The following ARB2A variants were observed in gnomAD, a reference collection of about 807,000 sequenced individuals.
The protein encoded by ARB2A is cotranscriptional regulator ARB2A.
the ARB2A span, among the ~76,000 whole-genome samples, chr5:93,871,896 T>G: frequency 1.3e-5 from 2 of 151,850 alleles, no homozygotes; most frequent in East Asian, 3.9e-4. Flanking sequence ...CCATAATTCT[T>G]CCCATGTTTC....
At chr5:94,004,998 C>CAAAAAAAAAAAAAAAAAAAAAAAAAA in the ARB2A span, among the ~76,000 whole-genome samples, 3 of 12,552 alleles carry the variant, frequency 2.4e-4, no homozygotes, top group African/African-American at 2.3e-4. Context: ...ATTTTATCAG[C>CAAAAAAAAAAAAAAAAAAAAAAAAAA]AAAAAAAAAA....
the ARB2A span, chr5:93,743,641 T>G: frequency 3.0e-6 from 2 of 669,290 alleles, no homozygotes; most frequent in Non-Finnish European, 3.7e-6. Flanking sequence ...TATGCTAAGG[T>G]CCACATACTG....
chr5:93,620,740 T>G, the ARB2A span: 1 of 397,168 alleles, frequency 2.5e-6, no homozygotes, highest in Non-Finnish European at 4.3e-6. Context: ...AGCCTTAATG[T>G]GAGCGCTGAC....
chr5:93,886,784 G>A, the ARB2A span, among the ~76,000 whole-genome samples: 4 of 150,216 alleles, frequency 2.7e-5, no homozygotes, highest in Non-Finnish European at 5.9e-5. Flanking sequence ...ACTCCGTTTT[G>A]TGTTTCTTCT....
At chr5:94,035,713 G>A in the ARB2A span, among the ~76,000 whole-genome samples, 3 of 152,214 alleles carry the variant, frequency 2.0e-5, no homozygotes, top group Admixed American at 6.5e-5. Context: ...GCAGGGACAC[G>A]GGTAAAGCTG....
At chr5:93,733,281 AC>A in the ARB2A span, 4 of 149,828 alleles carry the variant, frequency 2.7e-5, no homozygotes, top group African/African-American at 4.9e-5. Flanking sequence ...GCTCACTGCA[AC>A]CTCCGCCTCC....
At chr5:93,636,135 A>G in the ARB2A span, among the ~76,000 whole-genome samples, 1 of 152,244 alleles carries the variant, frequency 6.6e-6, no homozygotes, top group Non-Finnish European at 1.5e-5. Flanking sequence ...TATGCACAGC[A>G]TAATTCTGTA....
the ARB2A span, among the ~76,000 whole-genome samples, chr5:93,801,164 G>A: frequency 6.6e-6 from 1 of 152,100 alleles, no homozygotes; most frequent in Non-Finnish European, 1.5e-5. Context: ...AGCACAGCTG[G>A]CAAGGGATCT....
the ARB2A span, among the ~76,000 whole-genome samples, chr5:94,001,543 G>C: frequency 1.3e-5 from 2 of 151,826 alleles, no homozygotes; most frequent in African/African-American, 4.8e-5. Flanking sequence ...AGTTTTGGGG[G>C]TTTCAATTGA....
chr5:93,764,524 C>A, the ARB2A span, among the ~76,000 whole-genome samples: 6 of 152,088 alleles, frequency 3.9e-5, no homozygotes, highest in Admixed American at 2.0e-4. Context: ...CTGAATAGAC[C>A]AATAATAGGT....
the ARB2A span, among the ~76,000 whole-genome samples, chr5:93,823,088 C>A: frequency 6.6e-6 from 1 of 152,104 alleles, no homozygotes; most frequent in Non-Finnish European, 1.5e-5. Flanking sequence ...GTTCAATGTC[C>A]ACTTAGATCT....
the ARB2A span, among the ~76,000 whole-genome samples, chr5:93,945,548 C>T: frequency 6.6e-6 from 1 of 151,894 alleles, no homozygotes; most frequent in Non-Finnish European, 1.5e-5. Context: ...AAAACAGATC[C>T]ATTTCAAAAT....
chr5:93,843,119 T>G, the ARB2A span, among the ~76,000 whole-genome samples: 2 of 152,170 alleles, frequency 1.3e-5, no homozygotes, highest in African/African-American at 4.8e-5. Flanking sequence ...GGAGTGTGCA[T>G]GGGGGAAAGT....
the ARB2A span, among the ~76,000 whole-genome samples, chr5:93,800,468 A>C: frequency 5.9e-5 from 9 of 151,866 alleles, no homozygotes; most frequent in African/African-American, 1.9e-4. Context: ...AAGGATATAA[A>C]ATTTTACCAG....
chr5:93,746,726 C>T, the ARB2A span, among the ~76,000 whole-genome samples: 29 of 152,072 alleles, frequency 1.9e-4, no homozygotes, highest in African/African-American at 6.8e-4. Context: ...CTATGAACTT[C>T]CTATGCTATA....
chr5:93,725,056 A>C, the ARB2A span, among the ~76,000 whole-genome samples: 5 of 152,050 alleles, frequency 3.3e-5, no homozygotes, highest in African/African-American at 1.2e-4. Flanking sequence ...AGAGTTCATC[A>C]TACTACTTAG....
the ARB2A span, among the ~76,000 whole-genome samples, chr5:93,881,028 A>G: frequency 6.6e-6 from 1 of 151,654 alleles, no homozygotes; most frequent in East Asian, 1.9e-4. Context: ...TTTTGTATGG[A>G]GCATTATTAA....
chr5:93,684,323 G>C, the ARB2A span, among the ~76,000 whole-genome samples: 1 of 152,196 alleles, frequency 6.6e-6, no homozygotes, highest in Admixed American at 6.5e-5. Context: ...CACTTGCAAA[G>C]TGGAATGATA....
At chr5:93,856,280 G>A in the ARB2A span, among the ~76,000 whole-genome samples, 4 of 152,120 alleles carry the variant, frequency 2.6e-5, no homozygotes, top group African/African-American at 7.2e-5. Context: ...TCTTCTCGAG[G>A]AGTATCTTTG....
Sources: allele counts gnomAD v4.1 joint callset (sites outside exome capture counted in the v4.1 genomes callset), GRCh38; gene constraint gnomAD v4.1.1; transcripts MANE v1.5; gene names NCBI Gene and HGNC (gene_info 2026-07-23, HGNC 2026-07-21).